Variants in SREK1IP1 observed in about 807,000 individuals in gnomAD.
The protein encoded by SREK1IP1 is SREK1 interacting protein 1.
A neutral mutation model predicts 22.8 loss-of-function variants in SREK1IP1; 12 were observed. That is an observed-to-expected ratio of 0.53 (90% confidence interval 0.34 to 0.85). The LOEUF (loss-of-function observed/expected upper bound fraction) is 0.85. SREK1IP1 is among the 40% of genes least tolerant of loss of function. SREK1IP1 has a pLI of 0.02. For missense variants in SREK1IP1, 147 were observed against 171.8 expected, an observed-to-expected ratio of 0.86 and a Z score of 0.81; for synonymous variants, 53 against 52.7, an observed-to-expected ratio of 1.01 and a Z score of -0.02.
Position 64,724,517 on chromosome 5 carries a change from T to A in SREK1IP1, c.335A>T (p.Tyr112Phe), listed in dbSNP as rs1742230907. ...EDTSKQKKQK[Y>F]QKKEKKKEKK... ...TTCTTTTTTCTTTTCTTTCTTCTGA[T>A]ATTTTTGTTTCTTTTGTTTTGAAGT... Residue 112 changes from tyrosine to phenylalanine, a missense_variant, in exon 5 of 5, where the codon TAT (tyrosine) becomes TTT (phenylalanine). By Grantham distance (22) the Tyr-to-Phe change is conservative. Coordinates refer to ENST00000513458, the MANE Select transcript of SREK1IP1 (RefSeq NM_173829.4). The A allele has an allele frequency of 3.8e-6, 6 of 1,591,164 alleles. No homozygotes were observed. In the African/African-American group the frequency reaches 5.5e-5, roughly 15 times the overall value.
rs1016877708 is a variant in SREK1IP1 at position 64,721,313 on chromosome 5, G to T, written c.*3071C>A. 1 of 152,054 alleles carries T rather than the reference G, an allele frequency of 6.6e-6. No homozygotes were observed. The highest frequency in any genetic ancestry group is 1.5e-5 in the Non-Finnish European group (1 of 68,018). 9.4% of individuals were successfully genotyped at this position (152,054 alleles called of 1,614,324 possible). On this transcript the variant is annotated 3_prime_UTR_variant, in exon 5 of 5. Coordinates refer to ENST00000513458, the MANE Select transcript of SREK1IP1 (RefSeq NM_173829.4). ...ACTTAGCACAGCGTTTGCCACGTTA[G>T]GTACTCAATAAATATTTGTTGAAGA...
rs1742162780 is a variant in SREK1IP1 at position 64,721,591 on chromosome 5, G to A, written c.*2793C>T. On this transcript the variant is annotated 3_prime_UTR_variant, in exon 5 of 5. Transcript: ENST00000513458. ...TATGATATGCAAAAAAAAAAAAGGG[G>A]GAAATTGTGTGGTGAGAAGGTCCAT... 1.3e-5 allele frequency: 2 copies of A among 151,744 alleles called. No homozygotes were observed. Among genetic ancestry groups the A allele is most frequent in the South Asian group, 4.2e-4 (2 of 4,816 alleles). 9.4% of individuals were successfully genotyped at this position (151,744 alleles called of 1,614,324 possible).
intron 1 of SREK1IP1, among the ~76,000 whole-genome samples, chr5:64,757,424 TCTA>T (rs1343349195): frequency 1.3e-5 from 2 of 152,202 alleles, no homozygotes; most frequent in Non-Finnish European, 2.9e-5. Context: ...TACAGTCTGT[TCTA>T]CTACAATACT....
rs1324452692 is a variant in SREK1IP1, at chr5:64,754,565, G to GCGAT, written c.14-207_14-204dup. The stretch of plus-strand genomic sequence containing the variant: ...CTACAGCCTCCAGCTCCTGGCTCAG[G>GCGAT]CGATCCTCCTACCTTAGCCTCCCAA... On this transcript the variant is annotated intron_variant, in intron 1 of 4. Transcript: ENST00000513458. 7.8e-5 allele frequency: 38 copies of GCGAT among 489,268 alleles called. No homozygotes were observed. In the East Asian group the frequency reaches 1.1e-3, roughly 14 times the overall value. 30.3% of individuals were successfully genotyped at this position (489,268 alleles called of 1,614,324 possible). A position where few individuals can be genotyped will look rare whatever the true frequency, so the allele number is the denominator to read the frequency against.
Position 64,722,798 on chromosome 5 carries a change from A to T in SREK1IP1, c.*1586T>A, listed in dbSNP as rs1742193547. The T allele has an allele frequency of 6.6e-6, 1 of 152,214 alleles. No individual in the cohort carries two copies. Among genetic ancestry groups the T allele is most frequent in the Non-Finnish European group, 1.5e-5 (1 of 68,024 alleles). 9.4% of individuals were successfully genotyped at this position (152,214 alleles called of 1,614,324 possible). ...GGCTGCAATGCAGAGGGCTGTGGAT[A>T]CAGCTTCCCTAGAATTTAAGCATGG... is the stretch of plus-strand genomic sequence containing the variant. On this transcript the variant is annotated 3_prime_UTR_variant, in exon 5 of 5. Coordinates refer to ENST00000513458, the MANE Select transcript of SREK1IP1 (RefSeq NM_173829.4).
At chr5:64,758,757 C>T (rs1229773966) in intron 1 of SREK1IP1, among the ~76,000 whole-genome samples, 1 of 152,188 alleles carries the variant, frequency 6.6e-6, no homozygotes, top group Non-Finnish European at 1.5e-5. Flanking sequence ...AAATTCATCA[C>T]TCAAGTATCC....
chr5:64,739,334 C>G (rs1742516117), intron 3 of SREK1IP1, among the ~76,000 whole-genome samples: 1 of 152,014 alleles, frequency 6.6e-6, no homozygotes, highest in South Asian at 2.1e-4. Context: ...CTATGTTTTA[C>G]CCTCTCTAGA....
Position 64,723,648 on chromosome 5 carries a change from A to G in SREK1IP1, c.*736T>C, listed in dbSNP as rs911274702. ...TAAAAATCACAACCAACTCAGCATC[A>G]TCTCTGCAGACTTACTAACAGGCTG... On this transcript the variant is annotated 3_prime_UTR_variant, in exon 5 of 5. Coordinates refer to ENST00000513458, the MANE Select transcript of SREK1IP1 (RefSeq NM_173829.4). 3.3e-4 allele frequency: 50 copies of G among 152,766 alleles called. No homozygotes were observed. Among genetic ancestry groups the G allele is most frequent in the African/African-American group, 1.0e-3 (43 of 41,584 alleles). The allele number at this position is 152,766 out of a possible 1,614,324, so 9.5% of individuals were successfully genotyped here.
intron 1 of SREK1IP1, among the ~76,000 whole-genome samples, chr5:64,759,461 T>C (rs1032147771): frequency 2.0e-5 from 3 of 152,092 alleles, no homozygotes; most frequent in Admixed American, 2.0e-4. Flanking sequence ...CACCTCAAAA[T>C]TTTCCTTTCT....
intron 3 of SREK1IP1, among the ~76,000 whole-genome samples, chr5:64,730,354 A>C (rs140006308): frequency 1.9e-3 from 292 of 152,334 alleles, no homozygotes; most frequent in African/African-American, 6.6e-3. Context: ...TTTGATGAGA[A>C]GTTTAGCTAG....
chr5:64,725,861 C>CTTTT (rs547845420), intron 4 of SREK1IP1, among the ~76,000 whole-genome samples: 21 of 112,062 alleles, frequency 1.9e-4, no homozygotes, highest in South Asian at 2.9e-4. Context: ...TTGTTTGTTT[C>CTTTT]TTTTTTTTTT....
rs550181394 is a variant in SREK1IP1, at chr5:64,748,221, T to C, written c.61+6094A>G. 6.1e-4 allele frequency among the ~76,000 whole-genome samples: 93 copies of C among 152,296 alleles called. No individual in the cohort carries two copies. In the Middle Eastern group the frequency reaches 0.024, roughly 39 times the overall value. On this transcript the variant is annotated intron_variant, in intron 2 of 4. Coordinates refer to ENST00000513458, the MANE Select transcript of SREK1IP1 (RefSeq NM_173829.4). ...ACATGGATGAACTATGAAAACATTA[T>C]GCTAAGGGAAATAAGTCAGACACAA...
intron 4 of SREK1IP1, chr5:64,727,553 A>ATATTTTTTTTTTT: frequency 2.0e-4 from 17 of 84,676 alleles, no homozygotes; most frequent in African/African-American, 9.3e-4. Flanking sequence ...ATATATATAT[A>ATATTTTTTTTTTT]TTTTTTTTTT....
At chr5:64,768,407 T>C (rs1005261674) in intron 1 of SREK1IP1, 98 bp downstream of exon 1, 3 of 1,520,038 alleles carry the variant, frequency 2.0e-6, no homozygotes, top group Non-Finnish European at 2.7e-6. Flanking sequence ...TCCGCCTAAA[T>C]CCCCATGGGC....
chr5:64,736,255 T>C (rs549867785), intron 3 of SREK1IP1, among the ~76,000 whole-genome samples: 1 of 152,276 alleles, frequency 6.6e-6, no homozygotes, highest in Admixed American at 6.5e-5. Context: ...AGGTGTTACA[T>C]AAAGGTTAAA....
chr5:64,766,163 C>A (rs1009165945), intron 1 of SREK1IP1, among the ~76,000 whole-genome samples: 4 of 152,220 alleles, frequency 2.6e-5, no homozygotes, highest in Non-Finnish European at 5.9e-5. Flanking sequence ...AAATCATTGT[C>A]TTTGACTCTG....
intron 1 of SREK1IP1, 43 bp from the exon 2 acceptor site, chr5:64,754,405 G>T: frequency 1.3e-6 from 2 of 1,574,164 alleles, no homozygotes; most frequent in Non-Finnish European, 1.7e-6. Flanking sequence ...AAATAAATAT[G>T]CGAAAACTTA....
intron 4 of SREK1IP1, among the ~76,000 whole-genome samples, chr5:64,726,932 A>T (rs1742278189): frequency 6.6e-6 from 1 of 152,222 alleles, no homozygotes; most frequent in Admixed American, 6.5e-5. Context: ...AACTATCTGT[A>T]TTAGAATTTG....
At chr5:64,741,348 G>T in intron 2 of SREK1IP1, 148 bp from the exon 3 acceptor site, 1 of 812,880 alleles carries the variant, frequency 1.2e-6, no homozygotes, top group Non-Finnish European at 1.9e-6. Flanking sequence ...GTTGGTAGTA[G>T]TTTGGTTATT....
Sources: allele counts gnomAD v4.1 joint callset (sites outside exome capture counted in the v4.1 genomes callset), GRCh38; gene constraint gnomAD v4.1.1; transcripts MANE v1.5; gene names NCBI Gene and HGNC (gene_info 2026-07-23, HGNC 2026-07-21).